The following HS6ST3 variants were observed in gnomAD, a reference collection of about 807,000 sequenced individuals.
HS6ST3 encodes the protein heparan sulfate 6-O-sulfotransferase 3.
Under a neutral mutation model 36.7 loss-of-function variants are expected in HS6ST3, and 12 were observed. The ratio of observed to expected loss-of-function variants is 0.33; its 90% CI spans 0.21 to 0.53. The LOEUF (loss-of-function observed/expected upper bound fraction) is 0.53, where lower values mean the gene tolerates loss of function less well. HS6ST3 is among the 20% of genes least tolerant of loss of function. HS6ST3 has a pLI of 0.95. For synonymous variants in HS6ST3, 240 were observed against 257.5 expected (o/e 0.93, Z 0.65); for missense variants, 584 against 640.9 (o/e 0.91, Z 0.96).
chr13:96,752,884 A>G lies in HS6ST3; in HGVS notation c.708-79606A>G, dbSNP rs142053605. On this transcript the variant is annotated intron_variant, in intron 1 of 1. Transcript: ENST00000376705. Reference sequence around the variant, plus strand: ...CTTAAGATATAAAGATATTTCCCCTATATTTTTAAAAGCTTTAAAATTGCC... The same window carrying G: ...CTTAAGATATAAAGATATTTCCCCTGTATTTTTAAAAGCTTTAAAATTGCC... Among the ~76,000 whole-genome samples the G allele has an allele frequency of 3.9e-4, 59 of 152,310 alleles. 1 individual carries two copies. The highest frequency in any genetic ancestry group is 2.8e-4 in the Non-Finnish European group (19 of 68,012).
At chr13:96,103,557 C>CTATA (rs2053827536) in intron 1 of HS6ST3, among the ~76,000 whole-genome samples, 2 of 152,048 alleles carry the variant, frequency 1.3e-5, no homozygotes, top group African/African-American at 4.8e-5. Flanking sequence ...AATGTGTGCC[C>CTATA]TATATCCTGT....
chr13:96,160,950 C>T (rs1566896463), intron 1 of HS6ST3, among the ~76,000 whole-genome samples: 2 of 152,118 alleles, frequency 1.3e-5, no homozygotes, highest in African/African-American at 4.8e-5. Context: ...TTCCTGTTTG[C>T]TATAATTTAG....
Position 96,100,798 on chromosome 13 carries a change from C to A in HS6ST3, c.707+9229C>A, listed in dbSNP as rs556500775. Among the ~76,000 whole-genome samples the A allele has an allele frequency of 2.0e-5, 3 of 152,208 alleles. No individual in the cohort carries two copies. In the South Asian group the frequency reaches 6.3e-4, roughly 32 times the overall value. Reference sequence around the variant, plus strand: ...GAAAGATGGAAAATGGATTTGGGGTCCAGTGATGGGAGGGATGAAAATGGA... The same window carrying A: ...GAAAGATGGAAAATGGATTTGGGGTACAGTGATGGGAGGGATGAAAATGGA... On this transcript the variant is annotated intron_variant, in intron 1 of 1. Transcript: ENST00000376705.
chr13:96,727,293 A>G (rs1876028562), intron 1 of HS6ST3, among the ~76,000 whole-genome samples: 1 of 152,204 alleles, frequency 6.6e-6, no homozygotes, highest in Non-Finnish European at 1.5e-5. Flanking sequence ...AGTTTCATAG[A>G]CATGAAAAAT....
intron 1 of HS6ST3, among the ~76,000 whole-genome samples, chr13:96,240,853 G>T (rs755900894): frequency 4.6e-5 from 7 of 152,224 alleles, no homozygotes; most frequent in Non-Finnish European, 7.3e-5. Flanking sequence ...GTAGTATGGA[G>T]GCTTTTTCTT....
intron 1 of HS6ST3, among the ~76,000 whole-genome samples, chr13:96,377,382 A>G (rs2055320123): frequency 6.6e-6 from 1 of 152,060 alleles, no homozygotes. Flanking sequence ...AATAATAATT[A>G]ATAATAATAA....
chr13:96,514,005 A>G (rs1054726512), intron 1 of HS6ST3, among the ~76,000 whole-genome samples: 9 of 152,030 alleles, frequency 5.9e-5, no homozygotes, highest in Admixed American at 2.0e-4. Context: ...GGAGATACGC[A>G]GTGAGAGGGT....
chr13:96,648,113 A>G (rs113685437), intron 1 of HS6ST3, among the ~76,000 whole-genome samples: 1 of 152,056 alleles, frequency 6.6e-6, no homozygotes, highest in Non-Finnish European at 1.5e-5. Flanking sequence ...TGGTAGCTCA[A>G]AATTGGCCAT....
At chr13:96,733,899 C>G (rs1005438174) in intron 1 of HS6ST3, among the ~76,000 whole-genome samples, 1 of 152,174 alleles carries the variant, frequency 6.6e-6, no homozygotes, top group Non-Finnish European at 1.5e-5. Flanking sequence ...CAGAATACCT[C>G]AATTCCTCCC....
chr13:96,726,355 A>G (rs540985099), intron 1 of HS6ST3, among the ~76,000 whole-genome samples: 1 of 152,278 alleles, frequency 6.6e-6, no homozygotes, highest in African/African-American at 2.4e-5. Context: ...CTTCCTGTCT[A>G]TGGATATGGT....
At chr13:96,176,350 A>T (rs893149807) in intron 1 of HS6ST3, among the ~76,000 whole-genome samples, 24 of 152,166 alleles carry the variant, frequency 1.6e-4, no homozygotes, top group African/African-American at 5.8e-4. Context: ...TGATGAGAGG[A>T]AGTTTATAGA....
At chr13:96,740,193 G>A (rs1480154407) in intron 1 of HS6ST3, among the ~76,000 whole-genome samples, 1 of 152,094 alleles carries the variant, frequency 6.6e-6, no homozygotes, top group Non-Finnish European at 1.5e-5. Context: ...TTCAAGGTAC[G>A]TGATACTGAC....
At chr13:96,105,056 C>A (rs1163506831) in intron 1 of HS6ST3, among the ~76,000 whole-genome samples, 2 of 102,096 alleles carry the variant, frequency 2.0e-5, no homozygotes, top group African/African-American at 3.5e-5. Context: ...TAACCAAAGG[C>A]ATAAAGATGG....
chr13:96,556,678 C>T (rs1396155612), intron 1 of HS6ST3, among the ~76,000 whole-genome samples: 1 of 152,138 alleles, frequency 6.6e-6, no homozygotes, highest in Non-Finnish European at 1.5e-5. Context: ...CATTTTAATA[C>T]TGGTTGATGA....
At position 96,390,286 on chromosome 13, in the gene HS6ST3, T is replaced by G. The variant is rs546993326; in HGVS notation, c.707+298717T>G. 1.3e-4 allele frequency among the ~76,000 whole-genome samples: 20 copies of G among 152,344 alleles called. 1 individual carries two copies. The South Asian group carries it at 4.1e-3, about 32-fold the overall frequency. On this transcript the variant is annotated intron_variant, in intron 1 of 1. Coordinates refer to ENST00000376705, the MANE Select transcript of HS6ST3 (RefSeq NM_153456.4). ...AAAGATATTAGATTGCTAAATGTAC[T>G]GCTATGATCTGAATGTTTTTCTCCC...
intron 1 of HS6ST3, among the ~76,000 whole-genome samples, chr13:96,458,412 T>A (rs1032828893): frequency 3.9e-5 from 6 of 152,158 alleles, no homozygotes; most frequent in Non-Finnish European, 1.5e-5. Context: ...AAGTTTTTCT[T>A]AGATATTTTC....
chr13:96,329,068 C>G (rs1450353729), intron 1 of HS6ST3, among the ~76,000 whole-genome samples: 2 of 150,556 alleles, frequency 1.3e-5, no homozygotes, highest in African/African-American at 2.5e-5. Flanking sequence ...TGATTCTTCT[C>G]TCTTTTTTTC....
intron 1 of HS6ST3, among the ~76,000 whole-genome samples, chr13:96,556,816 A>G (rs1223838683): frequency 6.6e-6 from 1 of 152,172 alleles, no homozygotes; most frequent in Non-Finnish European, 1.5e-5. Context: ...TAGCCCAAGC[A>G]CGGGTGAGTC....
chr13:96,448,492 C>T (rs1253442212), intron 1 of HS6ST3, among the ~76,000 whole-genome samples: 2 of 152,206 alleles, frequency 1.3e-5, no homozygotes, highest in Admixed American at 6.5e-5. Flanking sequence ...TCTCACTGCT[C>T]TCCTGAACAC....
Sources: gnomAD v4.1 joint callset for allele counts (sites outside exome capture counted in the v4.1 genomes callset) on GRCh38, gnomAD v4.1.1 for gene constraint, MANE v1.5 for transcripts, NCBI Gene and HGNC (gene_info 2026-07-23, HGNC 2026-07-21) for gene names.